Variants in PPP3CA observed in about 807,000 individuals in gnomAD.
PPP3CA encodes CAM-PRP catalytic subunit.
A neutral mutation model predicts 66.5 loss-of-function variants in PPP3CA; 14 were observed. That is an observed-to-expected ratio of 0.21 (90% CI 0.14 to 0.33). PPP3CA has a LOEUF of 0.33. Among genes scored for constraint, PPP3CA ranks in the 10% least tolerant of loss-of-function variants. The pLI is 1.00. For synonymous variants in PPP3CA, 232 were observed against 226.2 expected (o/e 1.03, Z -0.23); for missense variants, 317 against 639.5 (o/e 0.50, Z 5.44).
chr4:101,299,113 T>TG (rs1728292947), intron 1 of PPP3CA, among the ~76,000 whole-genome samples: 1 of 86,826 alleles, frequency 1.2e-5, no homozygotes, highest in African/African-American at 5.3e-5. Context: ...ATCGTTTTTT[T>TG]TTTTTTTTTT....
intron 1 of PPP3CA, among the ~76,000 whole-genome samples, chr4:101,325,565 A>C (rs1729181902): frequency 6.6e-6 from 1 of 152,262 alleles, no homozygotes. Context: ...GTTAATATGC[A>C]TAAAATATGA....
chr4:101,066,565 T>C (rs1180021132), intron 8 of PPP3CA, among the ~76,000 whole-genome samples: 1 of 152,168 alleles, frequency 6.6e-6, no homozygotes, highest in Non-Finnish European at 1.5e-5. Context: ...TACAACAATA[T>C]GTATTCTTTT....
At chr4:101,333,269 A>ATT in intron 1 of PPP3CA, among the ~76,000 whole-genome samples, 1 of 66,436 alleles carries the variant, frequency 1.5e-5, no homozygotes, top group Non-Finnish European at 3.4e-5. Flanking sequence ...TACCATGCCC[A>ATT]GTTTTTTTTT....
intron 1 of PPP3CA, among the ~76,000 whole-genome samples, chr4:101,329,196 T>C (rs1406809765): frequency 6.6e-6 from 1 of 152,074 alleles, no homozygotes; most frequent in Non-Finnish European, 1.5e-5. Context: ...AACACACAAA[T>C]GATAAGAAAG....
At position 101,265,706 on chromosome 4, in the gene PPP3CA, A is replaced by G. The variant is rs115340374; in HGVS notation, c.59-69590T>C. On this transcript the variant is annotated intron_variant, in intron 1 of 13. Coordinates refer to ENST00000394854, the MANE Select transcript of PPP3CA (RefSeq NM_000944.5). Reference sequence around the variant, plus strand: ...TCCAAAGTCAAATGATAACCCAAATAAAAACCACACAAGATAAACAACAGA... The same window carrying G: ...TCCAAAGTCAAATGATAACCCAAATGAAAACCACACAAGATAAACAACAGA... Among the ~76,000 whole-genome samples, 251 of 152,310 alleles carry G rather than the reference A, an allele frequency of 1.6e-3. 1 individual carries two copies. The highest frequency in any genetic ancestry group is 5.8e-3 in the African/African-American group (241 of 41,556).
At chr4:101,318,576 T>C (rs1197637848) in intron 1 of PPP3CA, among the ~76,000 whole-genome samples, 4 of 152,152 alleles carry the variant, frequency 2.6e-5, no homozygotes, top group African/African-American at 9.6e-5. Flanking sequence ...CTGTGTGGTA[T>C]TGTGGTAACT....
At chr4:101,112,176 C>T (rs2110266110) in intron 2 of PPP3CA, among the ~76,000 whole-genome samples, 1 of 152,160 alleles carries the variant, frequency 6.6e-6, no homozygotes, top group South Asian at 2.1e-4. Context: ...GAAGCATAAT[C>T]TGGCAGCCAG....
chr4:101,042,535 T>C (rs1301071089), intron 10 of PPP3CA, among the ~76,000 whole-genome samples: 1 of 152,200 alleles, frequency 6.6e-6, no homozygotes, highest in Non-Finnish European at 1.5e-5. Context: ...CTAGCTGTTC[T>C]GATAATTAAG....
intron 7 of PPP3CA, among the ~76,000 whole-genome samples, chr4:101,081,223 T>C (rs1729426515): frequency 6.6e-6 from 1 of 152,274 alleles, no homozygotes; most frequent in East Asian, 1.9e-4. Flanking sequence ...CATTTTTGCC[T>C]AGACTAAGTA....
chr4:101,229,894 T>C (rs376132038), intron 1 of PPP3CA, among the ~76,000 whole-genome samples: 3 of 151,158 alleles, frequency 2.0e-5, no homozygotes, highest in South Asian at 2.1e-4. Flanking sequence ...ACGAAAAAAA[T>C]TGGGAAAGGA....
rs928132576 is a variant in PPP3CA at position 101,108,987 on chromosome 4, C to T, written c.351G>A (p.Gly117=). 6.2e-7 allele frequency: 1 copy of T among 1,613,566 alleles called. No individual in the cohort carries two copies. Among genetic ancestry groups the T allele is most frequent in the Non-Finnish European group, 8.5e-7 (1 of 1,179,716 alleles). Residue 117 remains glycine (G), a synonymous_variant, in exon 3 of 14, where the codon GGG becomes GGA. Coordinates refer to ENST00000394854, the MANE Select transcript of PPP3CA (RefSeq NM_000944.5). ...TGAAGTACCCTCTGTCAACATAGTC[C>T]CCTAAGAAGAGGTAGCGAGTGTTGG... ...SPANTRYLFL[G]DYVDRGYFSI... is the part of the protein sequence containing the mutation.
At chr4:101,050,890 G>C (rs1727980334) in intron 10 of PPP3CA, among the ~76,000 whole-genome samples, 1 of 152,116 alleles carries the variant, frequency 6.6e-6, no homozygotes, top group African/African-American at 2.4e-5. Context: ...TTTTCAAACA[G>C]TTAGATTTCT....
chr4:101,143,813 A>T (rs1231787339), intron 2 of PPP3CA, among the ~76,000 whole-genome samples: 2 of 152,222 alleles, frequency 1.3e-5, no homozygotes. Context: ...GAGAAATTAC[A>T]AACAGCTGTT....
At chr4:101,289,870 A>ATGTG (rs72004461) in intron 1 of PPP3CA, among the ~76,000 whole-genome samples, 5,092 of 141,748 alleles carry the variant, frequency 0.036, 202 homozygotes, top group African/African-American at 0.093. Context: ...ATGTCCGTGT[A>ATGTG]TGTGTGTGTG....
intron 11 of PPP3CA, among the ~76,000 whole-genome samples, chr4:101,035,748 C>T (rs1307152547): frequency 6.6e-6 from 1 of 152,150 alleles, no homozygotes; most frequent in African/African-American, 2.4e-5. Context: ...GAAGCCATGC[C>T]CTCAAAGGTT....
At chr4:101,254,822 C>A (rs941355714) in intron 1 of PPP3CA, among the ~76,000 whole-genome samples, 1 of 151,766 alleles carries the variant, frequency 6.6e-6, no homozygotes, top group African/African-American at 2.4e-5. Flanking sequence ...CTTTATTCAG[C>A]CACTCAACCA....
intron 8 of PPP3CA, among the ~76,000 whole-genome samples, chr4:101,077,028 A>G (rs1487082890): frequency 6.6e-6 from 1 of 152,186 alleles, no homozygotes; most frequent in African/African-American, 2.4e-5. Context: ...TGTCAGAGTG[A>G]AGACACAGAG....
rs532006412 is a variant in PPP3CA at position 101,195,858 on chromosome 4, C to A, written c.259+58G>T. The stretch of plus-strand genomic sequence containing the variant: ...CACTGGTAACTAGGACTTTTGATTT[C>A]ATGCTATAAACAACAAAATGTGTAT... On this transcript the variant is annotated intron_variant, in intron 2 of 13. Coordinates refer to ENST00000394854, the MANE Select transcript of PPP3CA (RefSeq NM_000944.5). The A allele has an allele frequency of 2.6e-5, 39 of 1,474,660 alleles. No homozygotes were observed. The East Asian group carries it at 3.2e-4, about 12-fold the overall frequency. 91.3% of individuals were successfully genotyped at this position (1,474,660 alleles called of 1,614,324 possible).
At chr4:101,259,615 A>T (rs914409618) in intron 1 of PPP3CA, among the ~76,000 whole-genome samples, 11 of 152,180 alleles carry the variant, frequency 7.2e-5, no homozygotes, top group Admixed American at 1.3e-4. Flanking sequence ...AGGATTATAA[A>T]GTACATCATT....
Sources: allele counts gnomAD v4.1 joint callset (sites outside exome capture counted in the v4.1 genomes callset), GRCh38; gene constraint gnomAD v4.1.1; transcripts MANE v1.5; gene names NCBI Gene and HGNC (gene_info 2026-07-23, HGNC 2026-07-21).